Variants in ZNF821 observed in about 807,000 individuals in gnomAD.
ZNF821 encodes zinc finger protein 821.
ZNF821 carries 16 observed loss-of-function variants against 44.3 expected under a neutral mutation model. That is an observed-to-expected ratio of 0.36 (90% CI 0.24 to 0.55). ZNF821 has a LOEUF of 0.55. Ranked by LOEUF, ZNF821 falls within the 20% of genes least tolerant of loss-of-function variation. ZNF821 has a pLI of 0.86. For missense variants in ZNF821, 436 were observed against 547.6 expected (o/e 0.80, Z 2.03); for synonymous variants, 204 against 197.6 (o/e 1.03, Z -0.27).
intron 6 of ZNF821, among the ~76,000 whole-genome samples, chr16:71,863,609 G>C (rs2034184356): frequency 6.6e-6 from 1 of 151,874 alleles, no homozygotes; most frequent in Non-Finnish European, 1.5e-5. Context: ...GGCTGGTCTT[G>C]AACTCCTGAG....
At chr16:71,863,817 C>T (rs1233070099) in intron 6 of ZNF821, among the ~76,000 whole-genome samples, 1 of 152,210 alleles carries the variant, frequency 6.6e-6, no homozygotes, top group African/African-American at 2.4e-5. Context: ...CCTGTCACAG[C>T]ATCCCGAGTA....
Position 71,864,092 on chromosome 16 carries a change from G to A in ZNF821, c.417+46C>T, listed in dbSNP as rs377720810. On this transcript the variant is annotated intron_variant, in intron 6 of 7. Transcript: ENST00000425432. ...AAACCAGGATCTGGGCTACAGACAA[G>A]CTGCCCACACTTGTGTTCCAGAGCA... 525 of 1,546,916 alleles carry A rather than the reference G, an allele frequency of 3.4e-4. 3 individuals carry two copies. In the African/African-American group the frequency reaches 6.2e-3, roughly 18 times the overall value.
At chr16:71,867,686 CAAA>C (rs879563055) in intron 4 of ZNF821, among the ~76,000 whole-genome samples, 1 of 140,188 alleles carries the variant, frequency 7.1e-6, no homozygotes. Flanking sequence ...AACTCTGTCA[CAAA>C]AAAAAAAAAG....
chr16:71,876,884 C>G (rs1445373612), intron 3 of ZNF821, among the ~76,000 whole-genome samples: 1 of 152,022 alleles, frequency 6.6e-6, no homozygotes, highest in African/African-American at 2.4e-5. Flanking sequence ...GGATTACAGG[C>G]ATGAGCCACC....
intron 7 of ZNF821, among the ~76,000 whole-genome samples, chr16:71,861,086 C>T (rs1243945628): frequency 6.6e-6 from 1 of 152,108 alleles, no homozygotes; most frequent in East Asian, 1.9e-4. Flanking sequence ...AAACTCCTGA[C>T]CTTGTGATCC....
rs1300439303 is a variant in ZNF821, at chr16:71,881,329, G to C, written c.-77-1306C>G. ...TGCCTCCCCTTACCAAAAGAATAAA[G>C]AAACCGCAAATGGCAAAGACAGGCC... On this transcript the variant is annotated intron_variant, in intron 2 of 7. Transcript: ENST00000425432. The C allele has an allele frequency of 2.6e-5, 4 of 152,232 alleles. No individual in the cohort carries two copies. In the South Asian group the frequency reaches 8.3e-4, roughly 32 times the overall value. The allele number at this position is 152,232 out of a possible 1,614,324, so 9.4% of individuals were successfully genotyped here.
chr16:71,872,473 C>T (rs903200458), intron 3 of ZNF821, among the ~76,000 whole-genome samples: 1 of 151,936 alleles, frequency 6.6e-6, no homozygotes, highest in East Asian at 1.9e-4. Flanking sequence ...CATTAGCCGG[C>T]GTGGTGGCAG....
At chr16:71,862,229 C>T (rs952202065) in intron 6 of ZNF821, among the ~76,000 whole-genome samples, 14 of 152,212 alleles carry the variant, frequency 9.2e-5, no homozygotes, top group African/African-American at 3.4e-4. Context: ...GTAATCCCAA[C>T]ACTTTGGGAG....
At chr16:71,861,465 C>A (rs1004298905) in intron 7 of ZNF821, among the ~76,000 whole-genome samples, 2 of 152,248 alleles carry the variant, frequency 1.3e-5, no homozygotes, top group Non-Finnish European at 2.9e-5. Context: ...ACGATGGAGA[C>A]TGCATCCTCA....
chr16:71,861,679 TG>T, intron 7 of ZNF821, 96 bp downstream of exon 7: 1 of 1,477,036 alleles, frequency 6.8e-7, no homozygotes, highest in African/African-American at 1.4e-5. Flanking sequence ...CAGCTGCCTT[TG>T]CATTACCTAT....
intron 4 of ZNF821, 58 bp downstream of exon 4, chr16:71,867,854 C>T: frequency 6.6e-7 from 1 of 1,524,466 alleles, no homozygotes; most frequent in South Asian, 1.2e-5. Flanking sequence ...AGAGCACACA[C>T]ACTCTGATAA....
chr16:71,864,268 A>C, intron 5 of ZNF821, 26 bp from the exon 6 acceptor site: 333 of 1,594,622 alleles, frequency 2.1e-4, no homozygotes, highest in Non-Finnish European at 2.6e-4. Flanking sequence ...TAGGCAACTC[A>C]TTAGGACTCT....
At chr16:71,888,034 A>T (rs1385595824), upstream of ZNF821, among the ~76,000 whole-genome samples, 1 of 151,132 alleles carries the variant, frequency 6.6e-6, no homozygotes, top group Non-Finnish European at 1.5e-5. Flanking sequence ...ACGCCACCAC[A>T]CCTGAATAAT....
intron 6 of ZNF821, among the ~76,000 whole-genome samples, 156 bp from the exon 7 acceptor site, chr16:71,862,098 C>T (rs1046030015): frequency 1.3e-5 from 2 of 152,242 alleles, no homozygotes; most frequent in Non-Finnish European, 2.9e-5. Flanking sequence ...CAGTCTCTTA[C>T]ATTAGAGGCC....
Position 71,860,039 on chromosome 16 carries a change from C to G in ZNF821, c.1218G>C (p.Gln406His), listed in dbSNP as rs776695396. 6.2e-7 allele frequency: 1 copy of G among 1,609,980 alleles called. No individual in the cohort carries two copies. Among genetic ancestry groups the G allele is most frequent in the South Asian group, 1.1e-5 (1 of 90,354 alleles). The stretch of plus-strand genomic sequence containing the variant: ...TGGTTCAGTGCAGAGAGCTGCTGTT[C>G]TGCTCTTCAAAGGCCATCTTGCCCA... ...QLLGKMAFEE[Q>H]NSSSLH Residue 406 changes from glutamine to histidine, a missense_variant, in exon 8 of 8, where the codon CAG becomes CAC. Transcript: ENST00000425432. The surrounding 1 kb of genome is among the most constrained non-coding windows in gnomAD (Gnocchi z 7.3).
intron 1 of ZNF821, among the ~76,000 whole-genome samples, chr16:71,892,571 ATT>A (rs986384229): frequency 4.2e-4 from 52 of 122,416 alleles, no homozygotes; most frequent in African/African-American, 7.9e-4. Context: ...CCCGGCCAAA[ATT>A]TTTTTTTTTT....
chr16:71,891,827 G>T (rs932950225), intron 1 of ZNF821, among the ~76,000 whole-genome samples: 3 of 151,826 alleles, frequency 2.0e-5, no homozygotes, highest in African/African-American at 7.3e-5. Flanking sequence ...GACCAACACG[G>T]TGAAACCTCA....
At chr16:71,868,277 C>G (rs2034774886) in intron 3 of ZNF821, among the ~76,000 whole-genome samples, 1 of 152,214 alleles carries the variant, frequency 6.6e-6, no homozygotes, top group African/African-American at 2.4e-5. Context: ...CTAGTCTTGA[C>G]TCCTTTCAAA....
chr16:71,879,747 T>G, intron 3 of ZNF821, 160 bp downstream of exon 3: 1 of 740,584 alleles, frequency 1.4e-6, no homozygotes, highest in Non-Finnish European at 2.2e-6. Context: ...TTAACCCTTT[T>G]TCTTTCTTTC....
Sources: allele counts gnomAD v4.1 joint callset (sites outside exome capture counted in the v4.1 genomes callset), GRCh38; gene constraint gnomAD v4.1.1; non-coding constraint Gnocchi (gnomAD v3.1); transcripts MANE v1.5; gene names NCBI Gene and HGNC (gene_info 2026-07-23, HGNC 2026-07-21).